GABRG3: variants seen among roughly 807,000 people sequenced by gnomAD.
The protein encoded by GABRG3 is gamma-aminobutyric acid receptor subunit gamma-3.
A neutral mutation model predicts 48.8 loss-of-function variants in GABRG3; 25 were observed. That is an observed-to-expected ratio of 0.51 (90% CI 0.37 to 0.72). The LOEUF is 0.72. Ranked by LOEUF, GABRG3 falls within the 30% of genes least tolerant of loss-of-function variation. The pLI is 0.00. For missense variants in GABRG3, 394 were observed against 577.9 expected (o/e 0.68, Z 3.26); for synonymous variants, 227 against 217.6 (o/e 1.04, Z -0.38).
chr15:27,378,992 G>A (rs984768105), intron 5 of GABRG3, among the ~76,000 whole-genome samples: 1 of 152,148 alleles, frequency 6.6e-6, no homozygotes, highest in African/African-American at 2.4e-5. Flanking sequence ...ATAAGTTTGT[G>A]TATGAATGTG....
intron 3 of GABRG3, among the ~76,000 whole-genome samples, chr15:27,085,815 C>A (rs1897065666): frequency 6.6e-6 from 1 of 152,146 alleles, no homozygotes; most frequent in South Asian, 2.1e-4. Flanking sequence ...CTTATTTTTT[C>A]TCCCTAGCAT....
intron 5 of GABRG3, among the ~76,000 whole-genome samples, chr15:27,477,385 G>A (rs549925560): frequency 5.7e-4 from 86 of 152,124 alleles, no homozygotes; most frequent in Non-Finnish European, 1.0e-3. Context: ...CCATGGAGAC[G>A]GTAAAAGGAT....
Position 27,540,275 on chromosome 15 carries a change from T to A in GABRG3, c.*7394T>A, listed in dbSNP as rs545444026. ...TTTGTTGATTGCTTTCTCTCTTTTTTTTTCCGTTTTTACCTTAGTTGGCTA... is the reference window on the plus strand; with the variant it reads ...TTTGTTGATTGCTTTCTCTCTTTTTATTTCCGTTTTTACCTTAGTTGGCTA... On this transcript the variant is annotated 3_prime_UTR_variant, in exon 10 of 10. Transcript: ENST00000615808. The A allele has an allele frequency of 3.3e-5, 5 of 152,342 alleles. No homozygotes were observed. In the East Asian group the frequency reaches 9.6e-4, roughly 29 times the overall value. The allele number at this position is 152,342 out of a possible 1,614,324, so 9.4% of individuals were successfully genotyped here.
In GABRG3 at chr15:27,351,486, GTA is replaced by G. The variant is rs1278609947; in HGVS notation, c.574+22600_574+22601del. Among the ~76,000 whole-genome samples the G allele has an allele frequency of 2.8e-5, 4 of 145,448 alleles. No individual in the cohort carries two copies. The East Asian group carries it at 8.6e-4, about 31-fold the overall frequency. ...GTGTGTGTATGTTTGTATGGTGTGT[GTA>G]TGGTGTGTGTGTGTTGGTATGTGTG... On this transcript the variant is annotated intron_variant, in intron 5 of 9. Coordinates refer to ENST00000615808, the MANE Select transcript of GABRG3 (RefSeq NM_033223.5).
At chr15:27,514,751 A>G (rs1890978677) in intron 6 of GABRG3, among the ~76,000 whole-genome samples, 1 of 152,236 alleles carries the variant, frequency 6.6e-6, no homozygotes, top group Non-Finnish European at 1.5e-5. Flanking sequence ...TGATTAAGAC[A>G]GTGTGGTTAT....
intron 3 of GABRG3, among the ~76,000 whole-genome samples, chr15:27,118,571 A>C (rs1897681734): frequency 6.6e-6 from 1 of 152,330 alleles, no homozygotes; most frequent in South Asian, 2.1e-4. Flanking sequence ...CAGTGCCTTA[A>C]GAGTTCCACT....
chr15:27,190,594 G>A (rs1004902877), intron 3 of GABRG3, among the ~76,000 whole-genome samples: 1 of 151,992 alleles, frequency 6.6e-6, no homozygotes, highest in South Asian at 2.1e-4. Context: ...ATTTTTTATT[G>A]CATCTATTTT....
chr15:27,067,891 A>G (rs928835517), intron 3 of GABRG3, among the ~76,000 whole-genome samples: 6 of 152,204 alleles, frequency 3.9e-5, no homozygotes, highest in African/African-American at 1.2e-4. Context: ...CTAGGATCAG[A>G]TCAGAAGAGG....
intron 5 of GABRG3, among the ~76,000 whole-genome samples, chr15:27,410,845 CGTGTGT>C (rs61423614): frequency 0.17 from 23,919 of 143,416 alleles, 2,123 homozygotes; most frequent in Admixed American, 0.25. Context: ...TGCGCACGCT[CGTGTGT>C]GTGTGTGTGT....
In GABRG3 at chr15:27,431,890, T is replaced by C. The variant is rs115629569; in HGVS notation, c.575-48760T>C. Among the ~76,000 whole-genome samples, 244 of 152,364 alleles carry C rather than the reference T, an allele frequency of 1.6e-3. 2 individuals are homozygous for C. The highest frequency in any genetic ancestry group is 5.4e-3 in the African/African-American group (224 of 41,594). ...ATTTCCTTTTTCCCCTTGGGATTTC[T>C]TCTTTGACCTTTTATTCTTTAGGAG... On this transcript the variant is annotated intron_variant, in intron 5 of 9. Transcript: ENST00000615808.
intron 3 of GABRG3, among the ~76,000 whole-genome samples, chr15:27,196,107 C>A (rs1430985803): frequency 6.6e-6 from 1 of 152,220 alleles, no homozygotes; most frequent in Non-Finnish European, 1.5e-5. Flanking sequence ...ACTGACACCA[C>A]CCTTGCAAGA....
chr15:27,162,757 G>C (rs1887238073), intron 3 of GABRG3, among the ~76,000 whole-genome samples: 1 of 152,134 alleles, frequency 6.6e-6, no homozygotes, highest in Admixed American at 6.5e-5. Flanking sequence ...AAGAAACATT[G>C]GCAGGAGGTA....
chr15:27,166,806 A>C (rs1224787475), intron 3 of GABRG3, among the ~76,000 whole-genome samples: 1 of 152,238 alleles, frequency 6.6e-6, no homozygotes, highest in East Asian at 1.9e-4. Flanking sequence ...TGCAGGGTGC[A>C]TGTCTCAATG....
At chr15:27,363,823 C>G (rs748501586) in intron 5 of GABRG3, 1 of 152,178 alleles carries the variant, frequency 6.6e-6, no homozygotes, top group African/African-American at 2.4e-5. Context: ...ACTTACATTG[C>G]AGGAGCGGCG....
At chr15:26,977,378 T>A (rs536188157) in intron 2 of GABRG3, among the ~76,000 whole-genome samples, 1 of 152,266 alleles carries the variant, frequency 6.6e-6, no homozygotes, top group South Asian at 2.1e-4. Context: ...ACTTATGTAA[T>A]GATCCTTGCA....
At chr15:27,213,872 C>A (rs2140436352) in intron 3 of GABRG3, among the ~76,000 whole-genome samples, 1 of 152,232 alleles carries the variant, frequency 6.6e-6, no homozygotes, top group Non-Finnish European at 1.5e-5. Context: ...GAACGTGGAG[C>A]AGGTGTGTTT....
intron 3 of GABRG3, among the ~76,000 whole-genome samples, chr15:27,263,202 G>A (rs569293409): frequency 2.0e-5 from 3 of 152,138 alleles, no homozygotes; most frequent in East Asian, 3.9e-4. Flanking sequence ...GGGCTTATAC[G>A]GAGAAACAAA....
intron 3 of GABRG3, among the ~76,000 whole-genome samples, chr15:27,131,296 G>A (rs556601769): frequency 6.6e-6 from 1 of 152,154 alleles, no homozygotes; most frequent in African/African-American, 2.4e-5. Context: ...AGATGATCAT[G>A]TGCTTTTTTT....
chr15:27,024,211 C>T (rs1490870474), intron 2 of GABRG3, among the ~76,000 whole-genome samples: 1 of 152,134 alleles, frequency 6.6e-6, no homozygotes, highest in East Asian at 1.9e-4. Context: ...GGATATTAAC[C>T]ACTTATCAGA....
Sources: allele counts gnomAD v4.1 joint callset (sites outside exome capture counted in the v4.1 genomes callset), GRCh38; gene constraint gnomAD v4.1.1; transcripts MANE v1.5; gene names NCBI Gene and HGNC (gene_info 2026-07-23, HGNC 2026-07-21).